ZNF382: variants seen among roughly 807,000 people sequenced by gnomAD.
ZNF382 encodes zinc finger protein 382.
Under a neutral mutation model 38.8 loss-of-function variants are expected in ZNF382, and 20 were observed. That is an observed-to-expected ratio of 0.51 (90% CI 0.36 to 0.75). The LOEUF (loss-of-function observed/expected upper bound fraction) is 0.75, where lower values mean the gene tolerates loss of function less well. ZNF382 is among the 30% of genes least tolerant of loss of function. ZNF382 has a pLI of 0.00. For synonymous variants in ZNF382, 202 were observed against 223.1 expected (o/e 0.91, Z 0.84); for missense variants, 546 against 654.1 (o/e 0.83, Z 1.80).
rs1206556084 is a variant in ZNF382, at chr19:36,632,718, G to T, written c.*5168G>T. 1 of 152,212 alleles carries T rather than the reference G, an allele frequency of 6.6e-6. No individual in the cohort carries two copies. The highest frequency in any genetic ancestry group is 2.4e-5 in the African/African-American group (1 of 41,440). 9.4% of individuals were successfully genotyped at this position (152,212 alleles called of 1,614,324 possible). ...TGGGCATCGTGGAGATAATTTTAGA[G>T]CTTTGCAGTCTGACTGTAAATCAGC... On this transcript the variant is annotated 3_prime_UTR_variant, in exon 5 of 5. Coordinates refer to ENST00000292928, the MANE Select transcript of ZNF382 (RefSeq NM_032825.5).
intron 1 of ZNF382, among the ~76,000 whole-genome samples, chr19:36,606,841 G>A (rs2037033595): frequency 6.6e-6 from 1 of 152,000 alleles, no homozygotes; most frequent in African/African-American, 2.4e-5. Context: ...ATTTTGGGAG[G>A]CCAAGGTGGG....
chr19:36,622,484 G>T (rs570097443), intron 4 of ZNF382, among the ~76,000 whole-genome samples: 2 of 152,254 alleles, frequency 1.3e-5, no homozygotes, highest in South Asian at 4.1e-4. Context: ...TCGCCCTATC[G>T]CCGTGGAGTC....
chr19:36,612,066 AAGG>A (rs2037081860), intron 4 of ZNF382, among the ~76,000 whole-genome samples: 1 of 152,224 alleles, frequency 6.6e-6, no homozygotes, highest in Non-Finnish European at 1.5e-5. Flanking sequence ...ATTCTGACAG[AAGG>A]ATAAACCCAC....
At position 36,627,018 on chromosome 19, in the gene ZNF382, A is replaced by C; in HGVS notation, c.1121A>C (p.His374Pro). 6.2e-7 allele frequency: 1 copy of C among 1,614,040 alleles called. No homozygotes were observed. The highest frequency in any genetic ancestry group is 8.5e-7 in the Non-Finnish European group (1 of 1,179,972). ...KATLTRHHKT[H>P]TGEKAYECPQ... The stretch of plus-strand genomic sequence containing the variant: ...ACCCTCACTAGACATCACAAAACAC[A>C]TACGGGGGAGAAAGCCTATGAATGT... Residue 374 changes from histidine (H) to proline (P), a missense_variant, in exon 5 of 5, where the codon CAT becomes CCT. Coordinates refer to ENST00000292928, the MANE Select transcript of ZNF382 (RefSeq NM_032825.5).
Position 36,630,941 on chromosome 19 carries a change from C to T in ZNF382, c.*3391C>T, listed in dbSNP as rs1742019095. 6.6e-6 allele frequency: 1 copy of T among 151,814 alleles called. No homozygotes were observed. Among genetic ancestry groups the T allele is most frequent in the East Asian group, 1.9e-4 (1 of 5,152 alleles). 9.4% of individuals were successfully genotyped at this position (151,814 alleles called of 1,614,324 possible). A position where few individuals can be genotyped will look rare whatever the true frequency, so the allele number is the denominator to read the frequency against. ...CTAGGACTACAGGCAGGCGCCATTC[C>T]TCTCAGCTAATGTTTTTATTTTTTA... On this transcript the variant is annotated 3_prime_UTR_variant, in exon 5 of 5. Coordinates refer to ENST00000292928, the MANE Select transcript of ZNF382 (RefSeq NM_032825.5).
At position 36,632,179 on chromosome 19, in the gene ZNF382, T is replaced by G. The variant is rs577786390; in HGVS notation, c.*4629T>G. The G allele has an allele frequency of 6.6e-6, 1 of 152,300 alleles. No homozygotes were observed. Among genetic ancestry groups the G allele is most frequent in the African/African-American group, 2.4e-5 (1 of 41,530 alleles). 9.4% of individuals were successfully genotyped at this position (152,300 alleles called of 1,614,324 possible). ...TGACAGCAGAACTTCTCTACATGGG[T>G]TTTTTTGTTGTCATTGTTTTGTTTT... On this transcript the variant is annotated 3_prime_UTR_variant, in exon 5 of 5. Coordinates refer to ENST00000292928, the MANE Select transcript of ZNF382 (RefSeq NM_032825.5).
intron 4 of ZNF382, among the ~76,000 whole-genome samples, chr19:36,618,945 C>A (rs1404961224): frequency 6.6e-6 from 1 of 152,034 alleles, no homozygotes; most frequent in African/African-American, 2.4e-5. Flanking sequence ...GGCTGAGGCA[C>A]ACAAGTTGCT....
intron 4 of ZNF382, among the ~76,000 whole-genome samples, chr19:36,616,509 A>G (rs1350380719): frequency 6.6e-6 from 1 of 152,272 alleles, no homozygotes; most frequent in African/African-American, 2.4e-5. Flanking sequence ...AATGTTAGCC[A>G]GGAGTCAGTA....
chr19:36,619,840 C>T (rs2037155162), intron 4 of ZNF382, among the ~76,000 whole-genome samples: 1 of 151,944 alleles, frequency 6.6e-6, no homozygotes, highest in Admixed American at 6.6e-5. Context: ...ACACCATTCT[C>T]CTGCCTTAGC....
chr19:36,622,189 T>C (rs1343423191), intron 4 of ZNF382, among the ~76,000 whole-genome samples: 1 of 152,106 alleles, frequency 6.6e-6, no homozygotes, highest in Non-Finnish European at 1.5e-5. Context: ...ACCCTGCTGA[T>C]TTTTGTATTT....
intron 3 of ZNF382, 115 bp downstream of exon 3, chr19:36,610,168 T>C (rs896432333): frequency 7.4e-7 from 1 of 1,349,922 alleles, no homozygotes; most frequent in Middle Eastern, 1.8e-4. Context: ...GCAGAAAATA[T>C]TATATTGCCA....
At chr19:36,607,671 A>G (rs1441701504) in intron 2 of ZNF382, 49 bp downstream of exon 2, 1 of 1,479,500 alleles carries the variant, frequency 6.8e-7, no homozygotes, top group Non-Finnish European at 8.9e-7. Flanking sequence ...TTCATGGTGT[A>G]TGAACATGAG....
intron 4 of ZNF382, among the ~76,000 whole-genome samples, chr19:36,623,609 G>A (rs745840849): frequency 1.3e-4 from 20 of 152,136 alleles, no homozygotes; most frequent in Non-Finnish European, 2.4e-4. Context: ...GGCCAACACA[G>A]TGAAACCCCA....
In ZNF382 at chr19:36,634,016, A is replaced by T. The variant is rs1489680122; in HGVS notation, c.*6466A>T. ...ATCCTGCTTGTGGTCATAGATAAAA[A>T]ATCTATGCATGTGTAAAAAATAGAA... On this transcript the variant is annotated 3_prime_UTR_variant, in exon 5 of 5. Coordinates refer to ENST00000292928, the MANE Select transcript of ZNF382 (RefSeq NM_032825.5). The T allele has an allele frequency of 6.8e-6, 1 of 146,642 alleles. No individual in the cohort carries two copies. The highest frequency in any genetic ancestry group is 1.6e-5 in the Non-Finnish European group (1 of 64,474). 9.1% of individuals were successfully genotyped at this position (146,642 alleles called of 1,614,324 possible).
intron 4 of ZNF382, among the ~76,000 whole-genome samples, chr19:36,625,789 C>T (rs1005805726): frequency 6.6e-6 from 1 of 152,138 alleles, no homozygotes; most frequent in Non-Finnish European, 1.5e-5. Flanking sequence ...AAACTCCTGA[C>T]CTCAGGTGAT....
At chr19:36,614,652 C>T (rs868257068) in intron 4 of ZNF382, among the ~76,000 whole-genome samples, 5 of 152,012 alleles carry the variant, frequency 3.3e-5, no homozygotes, top group Admixed American at 6.6e-5. Flanking sequence ...AGTGGCTGGG[C>T]ATGGTGGCTC....
intron 4 of ZNF382, among the ~76,000 whole-genome samples, chr19:36,620,959 A>G (rs2037164186): frequency 6.6e-6 from 1 of 151,818 alleles, no homozygotes; most frequent in Admixed American, 6.6e-5. Flanking sequence ...GGGTTTCACC[A>G]TGTTGGCCAG....
rs10669183 is a variant in ZNF382, at chr19:36,627,681, A to AAC, written c.*159_*160dup. The AAC allele has an allele frequency of 0.21, 113,767 of 530,252 alleles. 6,694 individuals carry two copies. Among genetic ancestry groups the AAC allele is most frequent in the African/African-American group, 0.29 (14,885 of 51,240 alleles). The allele number at this position is 530,252 out of a possible 1,614,324, so 32.8% of individuals were successfully genotyped here. A position where few individuals can be genotyped will look rare whatever the true frequency, so the allele number is the denominator to read the frequency against. ...TAACCTACTGTTTGCCAGCCTGTAA[A>AAC]ACACACACACACACACACACACACA... On this transcript the variant is annotated 3_prime_UTR_variant, in exon 5 of 5. Transcript: ENST00000292928.
At chr19:36,614,955 C>CTTTCCCTTTCCCTTCCT (rs796733986) in intron 4 of ZNF382, among the ~76,000 whole-genome samples, 1 of 118,080 alleles carries the variant, frequency 8.5e-6, no homozygotes, top group South Asian at 2.7e-4. Flanking sequence ...TTCCCTTTCC[C>CTTTCCCTTTCCCTTCCT]TTCCTTTCCT....
Sources: allele counts gnomAD v4.1 joint callset (sites outside exome capture counted in the v4.1 genomes callset), GRCh38; gene constraint gnomAD v4.1.1; transcripts MANE v1.5; gene names NCBI Gene and HGNC (gene_info 2026-07-23, HGNC 2026-07-21).